The following LPAR1 variants were observed in gnomAD, a reference collection of about 807,000 sequenced individuals.
The protein encoded by LPAR1 is lysophosphatidic acid receptor 1, also known as LPA receptor 1.
A neutral mutation model predicts 23.8 loss-of-function variants in LPAR1; 5 were observed. That is an observed-to-expected ratio of 0.21 (90% CI 0.11 to 0.44). The LOEUF is 0.44. Among genes scored for constraint, LPAR1 ranks in the 20% least tolerant of loss-of-function variants. LPAR1 has a pLI of 0.99. For missense variants in LPAR1, 311 were observed against 482.8 expected (o/e 0.64, Z 3.33); for synonymous variants, 160 against 164.7 (o/e 0.97, Z 0.22).
At chr9:110,975,399 G>A (rs1009474911) in intron 2 of LPAR1, among the ~76,000 whole-genome samples, 6 of 152,168 alleles carry the variant, frequency 3.9e-5, no homozygotes, top group African/African-American at 1.4e-4. Flanking sequence ...TTCCCCAACA[G>A]TTTGAGGCAG....
intron 4 of LPAR1, among the ~76,000 whole-genome samples, chr9:110,964,913 G>A (rs1470212825): frequency 1.5e-5 from 2 of 136,910 alleles, no homozygotes; most frequent in Non-Finnish European, 3.0e-5. Context: ...ACCTAGGCTG[G>A]AGTGCAGTAG....
intron 5 of LPAR1, among the ~76,000 whole-genome samples, chr9:110,926,360 C>T (rs1393912239): frequency 6.6e-6 from 1 of 152,200 alleles, no homozygotes; most frequent in Non-Finnish European, 1.5e-5. Context: ...AGTTTCCATG[C>T]AGACACATAC....
intron 5 of LPAR1, among the ~76,000 whole-genome samples, chr9:110,895,578 T>C (rs1188349625): frequency 6.6e-6 from 1 of 152,164 alleles, no homozygotes; most frequent in African/African-American, 2.4e-5. Context: ...GGGAACTCTT[T>C]AGGGAGTGAA....
intron 5 of LPAR1, among the ~76,000 whole-genome samples, chr9:110,885,222 T>G (rs762691929): frequency 1.3e-5 from 2 of 152,248 alleles, no homozygotes; most frequent in African/African-American, 2.4e-5. Context: ...ACTGTTTCCA[T>G]GTAAGATGTT....
rs115130011 is a variant in LPAR1 at position 110,884,306 on chromosome 9, C to T, written c.794-8584G>A. The stretch of plus-strand genomic sequence containing the variant: ...TAATTCCTACTCACACTTTACTTAC[C>T]GCTACTTCTGGGATGCCTTCCCTGA... On this transcript the variant is annotated intron_variant, in intron 5 of 5. Transcript: ENST00000683809. Among the ~76,000 whole-genome samples the T allele has an allele frequency of 4.0e-3, 603 of 152,278 alleles. 5 individuals are homozygous for T. The highest frequency in any genetic ancestry group is 0.014 in the African/African-American group (585 of 41,542).
intron 2 of LPAR1, among the ~76,000 whole-genome samples, chr9:111,029,030 C>T (rs2097753116): frequency 6.6e-6 from 1 of 152,134 alleles, no homozygotes; most frequent in Admixed American, 6.5e-5. Flanking sequence ...TCAAGAGAAG[C>T]CATAGTAAAC....
At chr9:110,902,197 G>C (rs866398019) in intron 5 of LPAR1, among the ~76,000 whole-genome samples, 1 of 151,928 alleles carries the variant, frequency 6.6e-6, no homozygotes, top group Non-Finnish European at 1.5e-5. Context: ...AGACCAAAGG[G>C]GAGTCCCAAT....
At chr9:111,012,731 C>A (rs2097357342) in intron 2 of LPAR1, among the ~76,000 whole-genome samples, 1 of 152,102 alleles carries the variant, frequency 6.6e-6, no homozygotes, top group African/African-American at 2.4e-5. Context: ...TTACTTCATT[C>A]ACACTTGATC....
chr9:111,000,561 C>G (rs150581557), intron 2 of LPAR1, among the ~76,000 whole-genome samples: 1 of 152,280 alleles, frequency 6.6e-6, no homozygotes, highest in African/African-American at 2.4e-5. Flanking sequence ...CCAGCAAGGA[C>G]TGCTCTACTC....
At chr9:110,884,120 G>A (rs1439651468) in intron 5 of LPAR1, among the ~76,000 whole-genome samples, 1 of 152,132 alleles carries the variant, frequency 6.6e-6, no homozygotes, top group Non-Finnish European at 1.5e-5. Flanking sequence ...TGCATAGTAC[G>A]AGTCCTTACT....
intron 2 of LPAR1, among the ~76,000 whole-genome samples, chr9:110,984,468 A>AT (rs2096738574): frequency 6.6e-6 from 1 of 151,776 alleles, no homozygotes; most frequent in Non-Finnish European, 1.5e-5. Context: ...TTCTTTATCC[A>AT]TTTTTCTGTT....
At chr9:110,970,952 A>T (rs1477162071) in intron 4 of LPAR1, among the ~76,000 whole-genome samples, 1 of 152,126 alleles carries the variant, frequency 6.6e-6, no homozygotes, top group Non-Finnish European at 1.5e-5. Flanking sequence ...CCTGACCAAC[A>T]TGGTGAAACC....
chr9:110,954,632 G>A (rs1328366102), intron 4 of LPAR1, among the ~76,000 whole-genome samples: 3 of 152,078 alleles, frequency 2.0e-5, no homozygotes, highest in Non-Finnish European at 4.4e-5. Flanking sequence ...GATTTGTCAG[G>A]AGAAATTGTA....
intron 2 of LPAR1, among the ~76,000 whole-genome samples, chr9:111,017,002 ATCCTC>A (rs1406462864): frequency 6.6e-6 from 1 of 152,136 alleles, no homozygotes; most frequent in Non-Finnish European, 1.5e-5. Context: ...CATGGATAAA[ATCCTC>A]TCTCCTCCCA....
chr9:110,927,717 T>G (rs2094140894), intron 5 of LPAR1, among the ~76,000 whole-genome samples: 1 of 152,042 alleles, frequency 6.6e-6, no homozygotes, highest in Admixed American at 6.6e-5. Context: ...AAAGTAAACG[T>G]GAGAGGAAAA....
At chr9:111,019,739 G>A (rs1001224199) in intron 2 of LPAR1, among the ~76,000 whole-genome samples, 1 of 152,032 alleles carries the variant, frequency 6.6e-6, no homozygotes, top group African/African-American at 2.4e-5. Flanking sequence ...CAGCTACTCA[G>A]GAGGCTGAGG....
At chr9:110,947,213 C>A (rs942330412) in intron 4 of LPAR1, among the ~76,000 whole-genome samples, 1 of 152,106 alleles carries the variant, frequency 6.6e-6, no homozygotes, top group African/African-American at 2.4e-5. Flanking sequence ...TACACTCATA[C>A]AAAGTCCAAT....
intron 2 of LPAR1, among the ~76,000 whole-genome samples, chr9:110,989,637 C>G (rs2096858062): frequency 6.6e-6 from 1 of 151,922 alleles, no homozygotes; most frequent in South Asian, 2.1e-4. Flanking sequence ...AACAATCCAA[C>G]AAGAAGATAA....
intron 4 of LPAR1, among the ~76,000 whole-genome samples, chr9:110,944,739 T>C (rs948190584): frequency 6.6e-6 from 1 of 152,158 alleles, no homozygotes; most frequent in African/African-American, 2.4e-5. Context: ...TCTCTAAAGG[T>C]AGAGAAAAGT....
Sources: gnomAD v4.1 joint callset for allele counts (sites outside exome capture counted in the v4.1 genomes callset) on GRCh38, gnomAD v4.1.1 for gene constraint, MANE v1.5 for transcripts, NCBI Gene and HGNC (gene_info 2026-07-23, HGNC 2026-07-21) for gene names.